Variants in SNX24 observed in about 807,000 individuals in gnomAD.
SNX24 encodes the protein sorting nexin 24, also known as sorting nexin-24.
A neutral mutation model predicts 28.7 loss-of-function variants in SNX24; 22 were observed. The ratio of observed to expected loss-of-function variants is 0.77; its 90% confidence interval spans 0.55 to 1.10. The LOEUF is 1.10. SNX24 is among the 50% of genes least tolerant of loss of function. SNX24 has a pLI of 0.00. For missense variants in SNX24, 221 were observed against 201.1 expected (o/e 1.10, Z -0.60); for synonymous variants, 69 against 71.5 (o/e 0.96, Z 0.18).
At chr5:122,996,605 G>A (rs969162467) in intron 3 of SNX24, among the ~76,000 whole-genome samples, 13 of 152,180 alleles carry the variant, frequency 8.5e-5, no homozygotes, top group African/African-American at 2.7e-4. Flanking sequence ...AAAGAAAAGA[G>A]AATTAGCATC....
intron 3 of SNX24, among the ~76,000 whole-genome samples, chr5:122,957,666 T>A (rs1344722278): frequency 1.3e-5 from 2 of 152,226 alleles, no homozygotes; most frequent in Admixed American, 1.3e-4. Context: ...ACATGGGATA[T>A]CTTTACATTT....
chr5:122,876,917 C>T (rs776488758), intron 1 of SNX24, among the ~76,000 whole-genome samples: 8 of 152,016 alleles, frequency 5.3e-5, no homozygotes, highest in East Asian at 1.9e-4. Flanking sequence ...ATATCATGGA[C>T]GATAGAAAGG....
At chr5:122,891,104 A>G in intron 1 of SNX24, 1 of 1,534,116 alleles carries the variant, frequency 6.5e-7, no homozygotes. Flanking sequence ...TTGCTTTTTC[A>G]AATGGAAGAC....
intron 1 of SNX24, among the ~76,000 whole-genome samples, chr5:122,894,217 G>A (rs572739722): frequency 1.3e-5 from 2 of 151,950 alleles, no homozygotes; most frequent in African/African-American, 4.8e-5. Flanking sequence ...AAAAGTCTTG[G>A]TCCCTTCCAT....
In SNX24 at chr5:122,927,022, A is replaced by G. The variant is rs573071173; in HGVS notation, c.61-9712A>G. 7.2e-5 allele frequency among the ~76,000 whole-genome samples: 11 copies of G among 152,356 alleles called. No individual in the cohort carries two copies. In the South Asian group the frequency reaches 2.1e-3, roughly 29 times the overall value. ...CACTGATAAAGGAATAGTTGTAGCA[A>G]TGGTTAGAAGTTAATAATATGAATA... is the stretch of plus-strand genomic sequence containing the variant. On this transcript the variant is annotated intron_variant, in intron 1 of 6. Coordinates refer to ENST00000261369, the MANE Select transcript of SNX24 (RefSeq NM_014035.4).
At chr5:123,024,504 G>T (rs1464382352) in intron 5 of SNX24, among the ~76,000 whole-genome samples, 4 of 152,172 alleles carry the variant, frequency 2.6e-5, no homozygotes, top group Non-Finnish European at 5.9e-5. Context: ...TAACCTATAA[G>T]TTGAGCCCAA....
At chr5:122,849,726 T>A (rs10075963) in intron 1 of SNX24, among the ~76,000 whole-genome samples, 89,135 of 151,964 alleles carry the variant, frequency 0.59, 26,553 homozygotes, top group African/African-American at 0.67. Context: ...CCCAATGGCT[T>A]ACTTATTTAA....
At chr5:122,873,942 G>A (rs1455884494) in intron 1 of SNX24, among the ~76,000 whole-genome samples, 1 of 151,938 alleles carries the variant, frequency 6.6e-6, no homozygotes, top group African/African-American at 2.4e-5. Flanking sequence ...ATTTTTTTGT[G>A]TATTTTTAGT....
chr5:122,892,162 A>G (rs1198187630), intron 1 of SNX24, among the ~76,000 whole-genome samples: 1 of 152,062 alleles, frequency 6.6e-6, no homozygotes, highest in Non-Finnish European at 1.5e-5. Context: ...TTTGTTTTAT[A>G]TTCTTTTTCT....
chr5:123,009,344 A>T (rs1762515221), downstream of SNX24: 10 of 376,130 alleles, frequency 2.7e-5, no homozygotes, highest in Non-Finnish European at 3.3e-5. Flanking sequence ...GATAAGATAA[A>T]TTATTATAAT....
intron 3 of SNX24, among the ~76,000 whole-genome samples, chr5:122,971,849 T>C (rs1486832331): frequency 6.8e-6 from 1 of 147,718 alleles, no homozygotes; most frequent in Admixed American, 6.8e-5. Flanking sequence ...CCCTTTGCCC[T>C]CAGCCAGCAC....
At chr5:122,907,739 T>G (rs186556985) in intron 1 of SNX24, among the ~76,000 whole-genome samples, 11 of 152,298 alleles carry the variant, frequency 7.2e-5, no homozygotes, top group African/African-American at 2.6e-4. Context: ...TTCTCCTGTT[T>G]ATAAGGAAAA....
intron 1 of SNX24, among the ~76,000 whole-genome samples, chr5:122,874,645 GCTAGGGTTATGTTTATT>G (rs2150054837): frequency 6.6e-6 from 1 of 152,310 alleles, no homozygotes; most frequent in South Asian, 2.1e-4. Context: ...TCAGAAAGAA[GCTAGGGTTATGTTTATT>G]CTGCAACTTG....
In SNX24 at chr5:123,007,945, G is replaced by A. The variant is rs1037825415; in HGVS notation, c.*196G>A. The A allele has an allele frequency of 4.3e-5, 58 of 1,359,064 alleles. No individual in the cohort carries two copies. Among genetic ancestry groups the A allele is most frequent in the East Asian group, 3.4e-4 (11 of 32,532 alleles). 84.2% of individuals were successfully genotyped at this position (1,359,064 alleles called of 1,614,324 possible). ...TTAAAAATAGAAACTGAACCGGGGC[G>A]GTGGTCAGGCTAAGGCCAAGTGTTT... On this transcript the variant is annotated 3_prime_UTR_variant, in exon 7 of 7. Coordinates refer to ENST00000261369, the MANE Select transcript of SNX24 (RefSeq NM_014035.4).
At chr5:122,929,230 G>GCTC (rs1305483128) in intron 1 of SNX24, among the ~76,000 whole-genome samples, 4 of 152,204 alleles carry the variant, frequency 2.6e-5, no homozygotes, top group African/African-American at 9.6e-5. Context: ...CCTCTCACCT[G>GCTC]CTGCTTCAGG....
At chr5:123,023,753 A>G in intron 5 of SNX24, 1 of 1,377,952 alleles carries the variant, frequency 7.3e-7, no homozygotes, top group Non-Finnish European at 9.6e-7. Context: ...GTGATCTGGG[A>G]TAGAATACAA....
At chr5:122,966,172 A>G (rs1760705284) in intron 3 of SNX24, among the ~76,000 whole-genome samples, 1 of 152,254 alleles carries the variant, frequency 6.6e-6, no homozygotes, top group African/African-American at 2.4e-5. Context: ...AGAGGAAATG[A>G]TTAAATTAAA....
chr5:122,986,730 C>A (rs1246797835), intron 3 of SNX24, among the ~76,000 whole-genome samples: 2 of 115,268 alleles, frequency 1.7e-5, no homozygotes, highest in Non-Finnish European at 3.9e-5. Flanking sequence ...TGGGCTATAG[C>A]CTCTAAGGGA....
intron 2 of SNX24, among the ~76,000 whole-genome samples, chr5:122,941,385 C>T (rs915071369): frequency 2.0e-5 from 3 of 152,132 alleles, no homozygotes; most frequent in African/African-American, 7.2e-5. Flanking sequence ...CCAATATCTC[C>T]CATTACCTCA....
Sources: allele counts gnomAD v4.1 joint callset (sites outside exome capture counted in the v4.1 genomes callset), GRCh38; gene constraint gnomAD v4.1.1; transcripts MANE v1.5; gene names NCBI Gene and HGNC (gene_info 2026-07-23, HGNC 2026-07-21).